The following SEC63 variants were observed in gnomAD, a reference collection of about 807,000 sequenced individuals.
SEC63 encodes SEC63 protein translocation regulator.
SEC63 carries 56 observed loss-of-function variants against 116.2 expected under a neutral mutation model. That is an observed-to-expected ratio of 0.48 (90% CI 0.39 to 0.60). The LOEUF is 0.60. SEC63 is among the 20% of genes least tolerant of loss of function. The pLI is 0.00. For missense variants in SEC63, 668 were observed against 900.0 expected, an observed-to-expected ratio of 0.74 and a Z score of 3.30; for synonymous variants, 273 against 294.6, an observed-to-expected ratio of 0.93 and a Z score of 0.75.
At position 107,953,976 on chromosome 6, in the gene SEC63, C is replaced by A. The variant is rs1410940210; in HGVS notation, c.124+3910G>T. Among the ~76,000 whole-genome samples, 10 of 152,234 alleles carry A rather than the reference C, an allele frequency of 6.6e-5. No individual in the cohort carries two copies. In the South Asian group the frequency reaches 1.0e-3, roughly 16 times the overall value. ...CCCGTCTGGGAGGTGTACCCAACAG[C>A]TCATTGAGAACGGGCCATGATGACA... On this transcript the variant is annotated intron_variant, in intron 1 of 20. Coordinates refer to ENST00000369002, the MANE Select transcript of SEC63 (RefSeq NM_007214.5).
At chr6:107,874,218 C>T (rs1043199678) in intron 19 of SEC63, among the ~76,000 whole-genome samples, 5 of 152,050 alleles carry the variant, frequency 3.3e-5, no homozygotes, top group African/African-American at 4.8e-5. Context: ...GAGTAACCAA[C>T]GAGACAAATT....
intron 7 of SEC63, among the ~76,000 whole-genome samples, chr6:107,909,709 TAA>T (rs1787232512): frequency 6.6e-6 from 1 of 152,194 alleles, no homozygotes; most frequent in African/African-American, 2.4e-5. Flanking sequence ...AAATACTTGA[TAA>T]ACAAATGTAG....
chr6:107,902,718 A>T, intron 12 of SEC63, 126 bp downstream of exon 12: 1 of 882,688 alleles, frequency 1.1e-6, no homozygotes, highest in South Asian at 1.5e-5. Flanking sequence ...AGAAAGTTTT[A>T]GAGTATTTAA....
At chr6:107,917,239 G>A (rs1188252413) in intron 4 of SEC63, among the ~76,000 whole-genome samples, 1 of 152,172 alleles carries the variant, frequency 6.6e-6, no homozygotes, top group Non-Finnish European at 1.5e-5. Context: ...GATACTTTTA[G>A]TTAATTTAGT....
At chr6:107,899,370 A>G (rs942699248) in intron 13 of SEC63, among the ~76,000 whole-genome samples, 5 of 152,196 alleles carry the variant, frequency 3.3e-5, no homozygotes, top group African/African-American at 1.2e-4. Flanking sequence ...GAACACTCTT[A>G]AATTTCTACT....
intron 20 of SEC63, among the ~76,000 whole-genome samples, chr6:107,872,335 G>A (rs1786154142): frequency 6.6e-6 from 1 of 152,094 alleles, no homozygotes; most frequent in Admixed American, 6.6e-5. Context: ...AATACTTTTA[G>A]CACCATCTCT....
intron 1 of SEC63, among the ~76,000 whole-genome samples, chr6:107,938,531 C>T (rs4946877): frequency 0.78 from 117,356 of 151,236 alleles, 46,767 homozygotes; most frequent in South Asian, 0.9. Context: ...AGTTGTGAGA[C>T]ACCACATCTG....
At chr6:107,943,282 A>G (rs1260510535) in intron 1 of SEC63, among the ~76,000 whole-genome samples, 2 of 152,220 alleles carry the variant, frequency 1.3e-5, no homozygotes, top group Non-Finnish European at 2.9e-5. Flanking sequence ...AAATGGCTCC[A>G]TGTCCTGTCT....
intron 1 of SEC63, among the ~76,000 whole-genome samples, chr6:107,936,260 T>C (rs150531080): frequency 6.6e-6 from 1 of 152,328 alleles, no homozygotes; most frequent in Non-Finnish European, 1.5e-5. Context: ...CTTAACCTTT[T>C]AGGAGACTAT....
chr6:107,883,293 C>T, intron 16 of SEC63, 147 bp from the exon 17 acceptor site: 1 of 901,370 alleles, frequency 1.1e-6, no homozygotes, highest in Non-Finnish European at 1.7e-6. Flanking sequence ...AAATTATAAA[C>T]ATTCCTACTT....
intron 1 of SEC63, among the ~76,000 whole-genome samples, chr6:107,944,850 T>A (rs1041707370): frequency 1.3e-5 from 2 of 152,222 alleles, no homozygotes; most frequent in South Asian, 2.1e-4. Flanking sequence ...CATTGTATCA[T>A]CTGCTGTACC....
chr6:107,872,271 G>A (rs1766150160), intron 20 of SEC63, among the ~76,000 whole-genome samples: 1 of 152,018 alleles, frequency 6.6e-6, no homozygotes. Flanking sequence ...GAACCCTCAT[G>A]GAACAAAAAA....
intron 1 of SEC63, among the ~76,000 whole-genome samples, chr6:107,937,726 T>C (rs6568519): frequency 0.2 from 29,901 of 152,080 alleles, 3,611 homozygotes; most frequent in Middle Eastern, 0.29. Flanking sequence ...TTTTTTATAA[T>C]AGCCATTCTG....
In SEC63 at chr6:107,883,085, T is replaced by C; in HGVS notation, c.1736A>G (p.Glu579Gly). Reference protein sequence around the residue: ...VSDKGSDSEEEETNRDSQSEK... With the variant: ...VSDKGSDSEEGETNRDSQSEK... ...ACTTTGGGAATCTCTATTGGTTTCT[T>C]CTTCTTCAGAATCACTGCCCTTATC... Residue 579 changes from glutamate to glycine, a missense_variant, in exon 17 of 21, where the codon GAA (glutamate) becomes GGA (glycine). Coordinates refer to ENST00000369002, the MANE Select transcript of SEC63 (RefSeq NM_007214.5). 4 of 1,613,136 alleles carry C rather than the reference T, an allele frequency of 2.5e-6. No individual in the cohort carries two copies. The highest frequency in any genetic ancestry group is 3.4e-6 in the Non-Finnish European group (4 of 1,179,580).
chr6:107,943,297 T>C (rs1770415343), intron 1 of SEC63, among the ~76,000 whole-genome samples: 1 of 152,254 alleles, frequency 6.6e-6, no homozygotes, highest in Non-Finnish European at 1.5e-5. Flanking sequence ...CTGTCTATAG[T>C]GTTTGTGTGA....
intron 16 of SEC63, among the ~76,000 whole-genome samples, chr6:107,890,719 T>C (rs1786661634): frequency 6.6e-6 from 1 of 152,210 alleles, no homozygotes; most frequent in Non-Finnish European, 1.5e-5. Context: ...GTTGTTCCTT[T>C]CCATGTTTAG....
rs2114380003 is a variant in SEC63 at position 107,869,047 on chromosome 6, C to A, written c.*2657G>T. ...CATCAGTTGTTTGACATCCACGCCC[C>A]CTGCTTCCACCAGAGCCTGAGCTTC... On this transcript the variant is annotated 3_prime_UTR_variant, in exon 21 of 21. Transcript: ENST00000369002. The A allele has an allele frequency of 6.6e-6, 1 of 152,280 alleles. No individual in the cohort carries two copies. The highest frequency in any genetic ancestry group is 2.4e-5 in the African/African-American group (1 of 41,512). 9.4% of individuals were successfully genotyped at this position (152,280 alleles called of 1,614,324 possible).
intron 18 of SEC63, among the ~76,000 whole-genome samples, chr6:107,878,777 C>G (rs754456498): frequency 6.6e-6 from 1 of 152,108 alleles, no homozygotes; most frequent in South Asian, 2.1e-4. Context: ...ATCACTTGCA[C>G]CCAGGAGGTG....
intron 1 of SEC63, among the ~76,000 whole-genome samples, chr6:107,950,237 T>G (rs1385071588): frequency 1.3e-5 from 2 of 152,142 alleles, no homozygotes; most frequent in African/African-American, 2.4e-5. Flanking sequence ...GATATAACAT[T>G]TATAAACATT....
Sources: allele counts gnomAD v4.1 joint callset (sites outside exome capture counted in the v4.1 genomes callset), GRCh38; gene constraint gnomAD v4.1.1; transcripts MANE v1.5; gene names NCBI Gene and HGNC (gene_info 2026-07-23, HGNC 2026-07-21).